Variants in PRKCH observed in about 807,000 individuals in gnomAD.
The protein encoded by PRKCH is protein kinase C eta, also known as protein kinase C eta type.
In PRKCH, 28 loss-of-function variants were observed where a neutral mutation model predicts 82.5. The ratio of observed to expected loss-of-function variants is 0.34; its 90% confidence interval spans 0.25 to 0.47. The LOEUF (loss-of-function observed/expected upper bound fraction) is 0.47. PRKCH is among the 20% of genes least tolerant of loss of function. The pLI, the probability that PRKCH is intolerant of heterozygous loss-of-function variation, is 1.00. For synonymous variants in PRKCH, 322 were observed against 327.4 expected (o/e 0.98, Z 0.18); for missense variants, 705 against 881.8 (o/e 0.80, Z 2.54).
At chr14:61,415,243 T>C (rs1882492234) in intron 2 of PRKCH, among the ~76,000 whole-genome samples, 1 of 152,244 alleles carries the variant, frequency 6.6e-6, no homozygotes, top group South Asian at 2.1e-4. Context: ...TTCTATTGTG[T>C]ACCTGTGCAC....
intron 1 of PRKCH, among the ~76,000 whole-genome samples, chr14:61,282,424 T>C (rs1241216569): frequency 6.6e-6 from 1 of 152,184 alleles, no homozygotes; most frequent in Non-Finnish European, 1.5e-5. Flanking sequence ...ATGTTTTCTC[T>C]ATTACACTAC....
intron 1 of PRKCH, among the ~76,000 whole-genome samples, chr14:61,198,696 G>C (rs1236663648): frequency 6.6e-6 from 1 of 152,116 alleles, no homozygotes; most frequent in Non-Finnish European, 1.5e-5. Flanking sequence ...TCCTAGTTAG[G>C]AGTTACTGAA....
chr14:61,195,102 A>G (rs780457710), intron 1 of PRKCH, among the ~76,000 whole-genome samples: 2 of 152,084 alleles, frequency 1.3e-5, no homozygotes, highest in Admixed American at 6.5e-5. Context: ...CCATTTCTCT[A>G]TATTCTTCCT....
intron 1 of PRKCH, among the ~76,000 whole-genome samples, chr14:61,372,436 C>A (rs1430065863): frequency 6.6e-6 from 1 of 152,032 alleles, no homozygotes; most frequent in Non-Finnish European, 1.5e-5. Flanking sequence ...TGTTACAGAC[C>A]TTTTTTTACT....
At chr14:61,296,731 A>G (rs570722659) in intron 1 of PRKCH, among the ~76,000 whole-genome samples, 1 of 152,214 alleles carries the variant, frequency 6.6e-6, no homozygotes, top group African/African-American at 2.4e-5. Flanking sequence ...TATCCTAAAC[A>G]TATTATTTCA....
At chr14:61,413,736 T>C (rs191734580) in intron 2 of PRKCH, among the ~76,000 whole-genome samples, 7 of 152,270 alleles carry the variant, frequency 4.6e-5, no homozygotes, top group African/African-American at 1.7e-4. Flanking sequence ...TCTCCTTTTT[T>C]TCATCCGGAT....
At chr14:61,217,954 T>C (rs531166622) in intron 1 of PRKCH, among the ~76,000 whole-genome samples, 2 of 152,290 alleles carry the variant, frequency 1.3e-5, no homozygotes, top group African/African-American at 2.4e-5. Context: ...CATATGAAGA[T>C]TGAGTTTTGA....
intron 10 of PRKCH, among the ~76,000 whole-genome samples, chr14:61,521,958 A>G (rs2042912832): frequency 6.6e-6 from 1 of 152,028 alleles, no homozygotes; most frequent in African/African-American, 2.4e-5. Context: ...CCTGAGGTGA[A>G]CTCATCCACA....
rs550571227 is a variant in PRKCH, at chr14:61,195,623, T to C, written c.-19+7955T>C. On this transcript the variant is annotated intron_variant, in intron 1 of 3. Coordinates refer to the PRKCH transcript ENST00000555185. ...AAAGGAAGAACATCCAAATTAGAAT[T>C]AAGAATCAGGGCATATCTCCCGGGA... Among the ~76,000 whole-genome samples, 19 of 152,332 alleles carry C rather than the reference T, an allele frequency of 1.2e-4. No homozygotes were observed. In the South Asian group the frequency reaches 3.9e-3, roughly 32 times the overall value.
chr14:61,313,804 T>C (rs1248237778), intron 1 of PRKCH, among the ~76,000 whole-genome samples: 1 of 151,818 alleles, frequency 6.6e-6, no homozygotes, highest in East Asian at 1.9e-4. Context: ...CTCACTGTCA[T>C]GAGAACAGCA....
At chr14:61,420,457 A>G (rs989568221) in intron 2 of PRKCH, among the ~76,000 whole-genome samples, 1 of 152,166 alleles carries the variant, frequency 6.6e-6, no homozygotes, top group Non-Finnish European at 1.5e-5. Context: ...CTGCGGGGAG[A>G]CGCATAGGCT....
chr14:61,230,692 C>T (rs2044736242), intron 1 of PRKCH, among the ~76,000 whole-genome samples: 1 of 152,182 alleles, frequency 6.6e-6, no homozygotes, highest in Non-Finnish European at 1.5e-5. Flanking sequence ...TGACCACTGT[C>T]CCCCAACACA....
intron 1 of PRKCH, among the ~76,000 whole-genome samples, chr14:61,290,347 A>G (rs1487616154): frequency 1.3e-5 from 2 of 152,156 alleles, no homozygotes; most frequent in Non-Finnish European, 2.9e-5. Flanking sequence ...TCTCCCAGAG[A>G]TGTGAAACTG....
chr14:61,453,783 AGG>A (rs2140290591), intron 7 of PRKCH, among the ~76,000 whole-genome samples: 1 of 151,828 alleles, frequency 6.6e-6, no homozygotes, highest in Non-Finnish European at 1.5e-5. Context: ...TCTCCCAAGT[AGG>A]TGGGACTGCA....
chr14:61,191,138 A>G (rs914781309), intron 1 of PRKCH, among the ~76,000 whole-genome samples: 1 of 152,214 alleles, frequency 6.6e-6, no homozygotes, highest in Admixed American at 6.5e-5. Flanking sequence ...AATTCTGCAC[A>G]AAAGAGAGAA....
chr14:61,497,670 G>T (rs1040667563), intron 10 of PRKCH, among the ~76,000 whole-genome samples: 5 of 152,190 alleles, frequency 3.3e-5, no homozygotes, highest in African/African-American at 1.2e-4. Flanking sequence ...CAGTGATTCT[G>T]TGTTGATATT....
At chr14:61,437,911 C>A (rs139816694) in intron 2 of PRKCH, among the ~76,000 whole-genome samples, 91 of 151,850 alleles carry the variant, frequency 6.0e-4, no homozygotes, top group African/African-American at 2.1e-3. Flanking sequence ...AGCCTAGCAA[C>A]ACAGCAAGAC....
At chr14:61,304,065 T>G (rs550776770) in intron 1 of PRKCH, 1 of 152,062 alleles carries the variant, frequency 6.6e-6, no homozygotes, top group Admixed American at 6.6e-5. Flanking sequence ...ACTACCATAG[T>G]AGTCAGCACA....
At chr14:61,279,683 G>A (rs139504264) in intron 1 of PRKCH, 47 of 179,102 alleles carry the variant, frequency 2.6e-4, no homozygotes, top group African/African-American at 4.5e-4. Context: ...CTGTAGTGGC[G>A]AAAGCCCTGG....
Sources: gnomAD v4.1 joint callset for allele counts (sites outside exome capture counted in the v4.1 genomes callset) on GRCh38, gnomAD v4.1.1 for gene constraint, MANE v1.5 for transcripts, NCBI Gene and HGNC (gene_info 2026-07-23, HGNC 2026-07-21) for gene names.